Variants in FAR2 observed in about 807,000 individuals in gnomAD.
FAR2 encodes epididymis secretory protein Li 81.
Under a neutral mutation model 56.0 loss-of-function variants are expected in FAR2, and 19 were observed. The ratio of observed to expected loss-of-function variants is 0.34; its 90% CI spans 0.24 to 0.50. The LOEUF (loss-of-function observed/expected upper bound fraction) is 0.50. FAR2 is among the 20% of genes least tolerant of loss of function. The pLI, the probability that FAR2 is intolerant of heterozygous loss-of-function variation, is 0.98. For missense variants in FAR2, 508 were observed against 642.2 expected (o/e 0.79, Z 2.26); for synonymous variants, 219 against 218.8 (o/e 1.00, Z -0.01).
intron 1 of FAR2, among the ~76,000 whole-genome samples, chr12:29,169,600 C>G (rs1018021158): frequency 6.6e-6 from 1 of 152,196 alleles, no homozygotes; most frequent in African/African-American, 2.4e-5. Context: ...TTCCTACTAT[C>G]CCTGACTGGT....
chr12:29,183,099 G>A (rs548249837), intron 1 of FAR2, among the ~76,000 whole-genome samples: 23 of 152,102 alleles, frequency 1.5e-4, no homozygotes, highest in South Asian at 2.1e-4. Flanking sequence ...TCATTAAAGC[G>A]GAAGTCTCAG....
chr12:29,274,891 G>A (rs368333459), intron 2 of FAR2, among the ~76,000 whole-genome samples: 1 of 151,334 alleles, frequency 6.6e-6, no homozygotes, highest in East Asian at 2.0e-4. Flanking sequence ...GCACCCAGGT[G>A]AAATAAACAG....
At chr12:29,308,588 A>G (rs1407862051) in intron 5 of FAR2, among the ~76,000 whole-genome samples, 1 of 151,756 alleles carries the variant, frequency 6.6e-6, no homozygotes, top group African/African-American at 2.4e-5. Flanking sequence ...TGAATGGCTT[A>G]GGTCTTAAGA....
chr12:29,294,810 A>G (rs1949030764), intron 3 of FAR2, among the ~76,000 whole-genome samples: 1 of 152,158 alleles, frequency 6.6e-6, no homozygotes, highest in Non-Finnish European at 1.5e-5. Flanking sequence ...ATTTACCTAG[A>G]AAGAGGAGTA....
At chr12:29,150,611 C>T (rs1243206938) in intron 1 of FAR2, among the ~76,000 whole-genome samples, 2 of 152,170 alleles carry the variant, frequency 1.3e-5, no homozygotes. Flanking sequence ...TAAATAAAAA[C>T]TTAAGGCAGC....
chr12:29,289,751 A>G (rs1948934202), intron 2 of FAR2, among the ~76,000 whole-genome samples: 1 of 152,242 alleles, frequency 6.6e-6, no homozygotes, highest in South Asian at 2.1e-4. Flanking sequence ...AAGTGAAGAG[A>G]CAAGCCACAG....
At chr12:29,216,966 A>T (rs1433347290) in intron 1 of FAR2, among the ~76,000 whole-genome samples, 1 of 152,226 alleles carries the variant, frequency 6.6e-6, no homozygotes, top group African/African-American at 2.4e-5. Flanking sequence ...CACCAGAGCT[A>T]TCCGTCATAA....
chr12:29,318,901 T>C (rs907035755), intron 9 of FAR2, among the ~76,000 whole-genome samples: 1 of 152,128 alleles, frequency 6.6e-6, no homozygotes, highest in Non-Finnish European at 1.5e-5. Flanking sequence ...TTGTGACTAG[T>C]GCCAGGTGAC....
chr12:29,207,107 T>G (rs1466226835), intron 1 of FAR2, among the ~76,000 whole-genome samples: 2 of 152,154 alleles, frequency 1.3e-5, no homozygotes, highest in Non-Finnish European at 2.9e-5. Context: ...TAAATGGTCT[T>G]GCATACCAGG....
At chr12:29,216,323 G>C (rs1298225732) in intron 1 of FAR2, among the ~76,000 whole-genome samples, 1 of 152,142 alleles carries the variant, frequency 6.6e-6, no homozygotes, top group African/African-American at 2.4e-5. Context: ...CAATGATACT[G>C]CCCAATACTG....
intron 4 of FAR2, among the ~76,000 whole-genome samples, chr12:29,297,854 TA>T (rs1165422053): frequency 6.6e-6 from 1 of 151,854 alleles, no homozygotes; most frequent in South Asian, 2.1e-4. Flanking sequence ...AAGACCAGCC[TA>T]AAATACAAAA....
At chr12:29,223,656 A>C (rs1219091998) in intron 1 of FAR2, 1 of 152,214 alleles carries the variant, frequency 6.6e-6, no homozygotes, top group East Asian at 1.9e-4. Context: ...GTCCCTGGTA[A>C]GCTCAGCCCA....
At chr12:29,314,131 C>A (rs1223344769) in intron 8 of FAR2, among the ~76,000 whole-genome samples, 1 of 152,142 alleles carries the variant, frequency 6.6e-6, no homozygotes, top group African/African-American at 2.4e-5. Flanking sequence ...TTTTCAATTG[C>A]CAAATTAAAC....
In FAR2 at chr12:29,334,023, T is replaced by G. The variant is rs879890598; in HGVS notation, c.*229T>G. On this transcript the variant is annotated 3_prime_UTR_variant, in exon 12 of 12. Transcript: ENST00000536681. ...TTTAGGGAAAAAAATCCAAATTGTT[T>G]CCTAACATTCTATTTTATGCCCTTG... is the stretch of plus-strand genomic sequence containing the variant. The G allele has an allele frequency of 1.1e-4, 43 of 385,002 alleles. No individual in the cohort carries two copies. The highest frequency in any genetic ancestry group is 1.7e-4 in the Non-Finnish European group (37 of 217,054). 23.8% of individuals were successfully genotyped at this position (385,002 alleles called of 1,614,324 possible).
At chr12:29,155,104 A>ATTGT (rs35278716) in intron 1 of FAR2, among the ~76,000 whole-genome samples, 2,343 of 152,254 alleles carry the variant, frequency 0.015, 45 homozygotes, top group African/African-American at 0.048. Context: ...TAAAAGCAAA[A>ATTGT]TTGTTTTTCA....
chr12:29,219,254 A>T (rs543492625), intron 1 of FAR2, among the ~76,000 whole-genome samples: 1 of 152,278 alleles, frequency 6.6e-6, no homozygotes, highest in East Asian at 1.9e-4. Context: ...TATTTATATG[A>T]GGATCAAACA....
chr12:29,302,576 A>G (rs999727565), intron 4 of FAR2, among the ~76,000 whole-genome samples: 8 of 152,038 alleles, frequency 5.3e-5, no homozygotes, highest in Non-Finnish European at 1.2e-4. Flanking sequence ...GATGGGCCAT[A>G]CTGTGGAGAT....
At chr12:29,308,761 G>T (rs1193497184) in intron 5 of FAR2, among the ~76,000 whole-genome samples, 3 of 145,996 alleles carry the variant, frequency 2.1e-5, no homozygotes, top group Non-Finnish European at 4.4e-5. Context: ...GGACTCTATA[G>T]CTGGTAAAAA....
At chr12:29,285,283 C>T (rs963570130) in intron 2 of FAR2, among the ~76,000 whole-genome samples, 3 of 152,170 alleles carry the variant, frequency 2.0e-5, no homozygotes, top group Non-Finnish European at 2.9e-5. Context: ...TGTTAAATCT[C>T]TACATAAGGC....
Sources: gnomAD v4.1 joint callset for allele counts (sites outside exome capture counted in the v4.1 genomes callset) on GRCh38, gnomAD v4.1.1 for gene constraint, MANE v1.5 for transcripts, NCBI Gene and HGNC (gene_info 2026-07-23, HGNC 2026-07-21) for gene names.